IQCM: variants seen among roughly 807,000 people sequenced by gnomAD.
IQCM encodes the protein IQ motif containing M, also known as IQ domain-containing protein M.
A neutral mutation model predicts 57.6 loss-of-function variants in IQCM; 45 were observed. The ratio of observed to expected loss-of-function variants is 0.78; its 90% CI spans 0.62 to 1.00. IQCM has a LOEUF of 1.00. IQCM is among the 50% of genes least tolerant of loss of function. IQCM has a pLI of 0.00. For synonymous variants in IQCM, 148 were observed against 158.9 expected (o/e 0.93, Z 0.51); for missense variants, 468 against 511.6 (o/e 0.91, Z 0.82).
At chr4:149,387,807 C>G (rs1578883695) in intron 13 of IQCM, among the ~76,000 whole-genome samples, 1 of 151,992 alleles carries the variant, frequency 6.6e-6, no homozygotes, top group South Asian at 2.1e-4. Context: ...AACACCCACC[C>G]TCCCAAAAAG....
At position 149,450,832 on chromosome 4, in the gene IQCM, C is replaced by T. The variant is rs541675675; in HGVS notation, c.1229-17275G>A. ...CTCAAAAAAACTAAAAATAAAGCTACCATACGATCTAGCAATCCCACTGCT... is the reference window on the plus strand; with the variant it reads ...CTCAAAAAAACTAAAAATAAAGCTATCATACGATCTAGCAATCCCACTGCT... On this transcript the variant is annotated intron_variant, in intron 12 of 13. Coordinates refer to ENST00000636793, the MANE Select transcript of IQCM (RefSeq NM_001363507.2). 5.2e-4 allele frequency among the ~76,000 whole-genome samples: 79 copies of T among 151,776 alleles called. 1 individual carries two copies. Among genetic ancestry groups the T allele is most frequent in the Non-Finnish European group, 1.1e-3 (73 of 67,866 alleles).
rs73859777 is a variant in IQCM at position 149,586,101 on chromosome 4, G to C, written c.749+1829C>G. Among the ~76,000 whole-genome samples the C allele has an allele frequency of 8.8e-3, 1,327 of 151,434 alleles. 11 individuals are homozygous for C. The highest frequency in any genetic ancestry group is 0.03 in the African/African-American group (1,256 of 41,418). Reference sequence around the variant, plus strand: ...AATTTTAACTTAGTAACATCTGTAAGGAAAAAAGGCTTCCCAAATTAACCA... The same window carrying C: ...AATTTTAACTTAGTAACATCTGTAACGAAAAAAGGCTTCCCAAATTAACCA... On this transcript the variant is annotated intron_variant, in intron 9 of 13. Coordinates refer to ENST00000636793, the MANE Select transcript of IQCM (RefSeq NM_001363507.2).
chr4:149,359,089 G>A (rs1354658333), intron 13 of IQCM, among the ~76,000 whole-genome samples: 5 of 152,096 alleles, frequency 3.3e-5, no homozygotes. Flanking sequence ...CCCCAAAGCT[G>A]GTCCTTGGTT....
At chr4:149,795,171 T>C (rs1412898196) in intron 2 of IQCM, among the ~76,000 whole-genome samples, 3 of 152,276 alleles carry the variant, frequency 2.0e-5, no homozygotes, top group East Asian at 1.9e-4. Context: ...AGTGAACTCA[T>C]AGAGGTCAGA....
chr4:149,458,810 T>C (rs938423752), intron 12 of IQCM, among the ~76,000 whole-genome samples: 1 of 152,138 alleles, frequency 6.6e-6, no homozygotes, highest in Non-Finnish European at 1.5e-5. Context: ...TGCAAGCAGA[T>C]ATAATCTATA....
intron 13 of IQCM, among the ~76,000 whole-genome samples, chr4:149,423,634 G>C (rs1734267941): frequency 6.6e-6 from 1 of 152,006 alleles, no homozygotes; most frequent in African/African-American, 2.4e-5. Context: ...AGCACTCACT[G>C]TGTGGTTGTT....
At chr4:149,498,233 G>A (rs1742871909) in intron 12 of IQCM, among the ~76,000 whole-genome samples, 1 of 152,112 alleles carries the variant, frequency 6.6e-6, no homozygotes. Context: ...ACAAAACCAA[G>A]TGATGACCCA....
At chr4:149,557,867 A>G (rs1749740137) in intron 10 of IQCM, among the ~76,000 whole-genome samples, 1 of 152,196 alleles carries the variant, frequency 6.6e-6, no homozygotes, top group African/African-American at 2.4e-5. Flanking sequence ...GCTTCTTCCA[A>G]TGAGCATTTA....
intron 12 of IQCM, among the ~76,000 whole-genome samples, chr4:149,440,214 G>A (rs72724084): frequency 7.8e-5 from 11 of 141,926 alleles, no homozygotes; most frequent in African/African-American, 2.9e-4. Flanking sequence ...GTGATCTGCC[G>A]CCTTGACCTT....
At chr4:149,360,313 A>G (rs115311328) in intron 13 of IQCM, among the ~76,000 whole-genome samples, 217 of 152,360 alleles carry the variant, frequency 1.4e-3, no homozygotes, top group Non-Finnish European at 2.7e-3. Flanking sequence ...TTTACATTGT[A>G]TTAGGTATTG....
intron 2 of IQCM, among the ~76,000 whole-genome samples, chr4:149,776,447 C>G (rs945127989): frequency 3.9e-5 from 6 of 152,126 alleles, no homozygotes; most frequent in African/African-American, 1.2e-4. Context: ...AATCTAATAT[C>G]TTTCCACTAT....
chr4:149,486,037 C>A (rs930117322), intron 12 of IQCM, among the ~76,000 whole-genome samples: 25 of 150,726 alleles, frequency 1.7e-4, no homozygotes, highest in Admixed American at 5.3e-4. Context: ...CTCTCTCTCT[C>A]TCTCTCTCTC....
chr4:149,362,887 T>C (rs1729590700), intron 13 of IQCM, among the ~76,000 whole-genome samples: 1 of 152,204 alleles, frequency 6.6e-6, no homozygotes, highest in South Asian at 2.1e-4. Context: ...AAGAGGAGAA[T>C]GAGCTGAGTA....
At chr4:149,472,762 A>C (rs1739719176) in intron 12 of IQCM, among the ~76,000 whole-genome samples, 2 of 152,212 alleles carry the variant, frequency 1.3e-5, no homozygotes, top group Admixed American at 1.3e-4. Context: ...TGGTACTGGT[A>C]CCAAAACAGA....
At chr4:149,505,900 C>T (rs765906365) in intron 12 of IQCM, among the ~76,000 whole-genome samples, 6 of 152,072 alleles carry the variant, frequency 3.9e-5, no homozygotes, top group Non-Finnish European at 8.8e-5. Flanking sequence ...GGCCTGAAGC[C>T]GTAAGCAGAA....
intron 13 of IQCM, among the ~76,000 whole-genome samples, chr4:149,355,866 TAA>T (rs1276083200): frequency 6.6e-6 from 1 of 152,086 alleles, no homozygotes; most frequent in Non-Finnish European, 1.5e-5. Context: ...ACCAACAGTG[TAA>T]AAGTGTTCTT....
chr4:149,661,535 C>A lies in IQCM; in HGVS notation c.565+20583G>T, dbSNP rs188601354. Among the ~76,000 whole-genome samples, 40 of 152,108 alleles carry A rather than the reference C, an allele frequency of 2.6e-4. No homozygotes were observed. In the East Asian group the frequency reaches 5.0e-3, roughly 19 times the overall value. On this transcript the variant is annotated intron_variant, in intron 7 of 13. Coordinates refer to ENST00000636793, the MANE Select transcript of IQCM (RefSeq NM_001363507.2). The stretch of plus-strand genomic sequence containing the variant: ...AGTTGAAGGAGCATTGGTTTTAGTT[C>A]TTTTTTAAATATTTTGCAGATTTCA...
chr4:149,556,403 G>T (rs766161399), intron 10 of IQCM, among the ~76,000 whole-genome samples: 2 of 151,028 alleles, frequency 1.3e-5, no homozygotes, highest in African/African-American at 4.9e-5. Flanking sequence ...TTACCAGTTT[G>T]TAAGAGATTT....
intron 7 of IQCM, among the ~76,000 whole-genome samples, chr4:149,677,959 C>G (rs1283438492): frequency 1.3e-5 from 2 of 151,586 alleles, no homozygotes; most frequent in Non-Finnish European, 2.9e-5. Flanking sequence ...AGCTCAAATA[C>G]AGACTATTTG....
Sources: gnomAD v4.1 joint callset for allele counts (sites outside exome capture counted in the v4.1 genomes callset) on GRCh38, gnomAD v4.1.1 for gene constraint, MANE v1.5 for transcripts, NCBI Gene and HGNC (gene_info 2026-07-23, HGNC 2026-07-21) for gene names.